The following PLEKHA2 variants were observed in gnomAD, a reference collection of about 807,000 sequenced individuals.
The protein encoded by PLEKHA2 is pleckstrin homology domain containing A2.
In PLEKHA2, 28 loss-of-function variants were observed where a neutral mutation model predicts 53.2. The observed-to-expected ratio is 0.53, with a 90% CI of 0.39 to 0.72. The LOEUF is 0.72. Ranked by LOEUF, PLEKHA2 falls within the 30% of genes least tolerant of loss-of-function variation. The pLI, the probability that PLEKHA2 is intolerant of heterozygous loss-of-function variation, is 0.00. For missense variants in PLEKHA2, 426 were observed against 537.9 expected (o/e 0.79, Z 2.06); for synonymous variants, 193 against 196.4 (o/e 0.98, Z 0.14).
chr8:38,921,251 C>T (rs1834188450), intron 2 of PLEKHA2, among the ~76,000 whole-genome samples: 2 of 152,336 alleles, frequency 1.3e-5, no homozygotes, highest in South Asian at 4.1e-4. Flanking sequence ...TGTACTTCCT[C>T]CCACTCACCT....
At chr8:38,956,884 G>GC (rs1834950940) in intron 9 of PLEKHA2, among the ~76,000 whole-genome samples, 1 of 152,104 alleles carries the variant, frequency 6.6e-6, no homozygotes, top group Admixed American at 6.6e-5. Flanking sequence ...AGTCTTAAGT[G>GC]CCCCCCGGGG....
chr8:38,965,228 A>G (rs139334961), intron 10 of PLEKHA2, among the ~76,000 whole-genome samples: 112 of 152,298 alleles, frequency 7.4e-4, no homozygotes, highest in African/African-American at 2.5e-3. Flanking sequence ...CTTGCTAAGC[A>G]GAGGCTGGGT....
At chr8:38,917,822 C>A in intron 1 of PLEKHA2, 85 bp from the exon 2 acceptor site, 1 of 1,454,286 alleles carries the variant, frequency 6.9e-7, no homozygotes, top group East Asian at 2.4e-5. Context: ...AGAGTCTCAG[C>A]CCAGCTTCTG....
chr8:38,941,744 C>A (rs564463800), intron 3 of PLEKHA2, among the ~76,000 whole-genome samples: 6 of 152,254 alleles, frequency 3.9e-5, no homozygotes, highest in Non-Finnish European at 8.8e-5. Flanking sequence ...GTCTTACCTG[C>A]ACTATCATAT....
Position 38,950,921 on chromosome 8 carries a change from G to A in PLEKHA2, c.417G>A (p.Glu139=). The change falls in exon 6 of 12, where the codon GAG becomes GAA. Residue 139 remains glutamate (E), a synonymous_variant. Transcript: ENST00000617275. The part of the protein sequence containing the change: ...LKSLAAPPAL[E]KKPQVAYKTE... Reference sequence around the variant, plus strand: ...GCTTAGCAGCTCCTCCAGCCCTGGAGAAGAAGCCACAGGTGGCCTACAAGA... The same window carrying A: ...GCTTAGCAGCTCCTCCAGCCCTGGAAAAGAAGCCACAGGTGGCCTACAAGA... 4 of 1,614,026 alleles carry A rather than the reference G, an allele frequency of 2.5e-6. No individual in the cohort carries two copies. The highest frequency in any genetic ancestry group is 2.5e-6 in the Non-Finnish European group (3 of 1,179,894).
intron 5 of PLEKHA2, among the ~76,000 whole-genome samples, chr8:38,947,881 G>A (rs1834744976): frequency 1.3e-5 from 2 of 152,204 alleles, no homozygotes; most frequent in South Asian, 4.1e-4. Flanking sequence ...AAGGTCAGGA[G>A]TTCGAGACCA....
chr8:38,935,886 TGCTCAGTGTTGCCAGGAAAGTGGC>T (rs1834485278), intron 2 of PLEKHA2, 84 bp from the exon 3 acceptor site: 4 of 951,360 alleles, frequency 4.2e-6, no homozygotes, highest in Admixed American at 1.8e-5. Flanking sequence ...TTGAGTAACT[TGCTCAGTGTTGCCAGGAAAGTGGC>T]ATAAACAGAG....
chr8:38,914,463 G>A (rs1409802214), intron 1 of PLEKHA2, among the ~76,000 whole-genome samples: 1 of 152,208 alleles, frequency 6.6e-6, no homozygotes, highest in African/African-American at 2.4e-5. Flanking sequence ...GGGGCTGTTG[G>A]GTCTCTCTAG....
At chr8:38,903,380 T>C (rs747227868) in intron 1 of PLEKHA2, among the ~76,000 whole-genome samples, 2 of 152,228 alleles carry the variant, frequency 1.3e-5, no homozygotes, top group African/African-American at 4.8e-5. Flanking sequence ...TTTGCAACCC[T>C]TTCTTTTTCC....
At chr8:38,914,589 C>T (rs1277821857) in intron 1 of PLEKHA2, among the ~76,000 whole-genome samples, 1 of 152,270 alleles carries the variant, frequency 6.6e-6, no homozygotes, top group Non-Finnish European at 1.5e-5. Flanking sequence ...GAACTCCACT[C>T]TGTTGGAGCC....
At chr8:38,943,743 T>C in intron 3 of PLEKHA2, 46 bp from the exon 4 acceptor site, 1 of 1,417,382 alleles carries the variant, frequency 7.1e-7, no homozygotes, top group Non-Finnish European at 9.6e-7. Flanking sequence ...ATCTTCAACA[T>C]TGTAAGACAC....
At chr8:38,926,381 CTTT>C (rs545129514) in intron 2 of PLEKHA2, among the ~76,000 whole-genome samples, 6 of 137,220 alleles carry the variant, frequency 4.4e-5, no homozygotes, top group Admixed American at 7.4e-5. Flanking sequence ...TTAAAAAGTA[CTTT>C]TTTTTTTTTT....
intron 3 of PLEKHA2, among the ~76,000 whole-genome samples, chr8:38,941,469 T>A (rs879867725): frequency 2.0e-5 from 3 of 152,250 alleles, no homozygotes; most frequent in Admixed American, 1.3e-4. Context: ...GAGGTTGATA[T>A]AATGTTATGT....
chr8:38,920,338 T>G (rs564315503), intron 2 of PLEKHA2, among the ~76,000 whole-genome samples: 25 of 152,106 alleles, frequency 1.6e-4, no homozygotes, highest in Admixed American at 3.3e-4. Context: ...TTTTTTTTAG[T>G]AGAGACGGGG....
chr8:38,915,399 G>T (rs974685480), intron 1 of PLEKHA2, among the ~76,000 whole-genome samples: 4 of 152,250 alleles, frequency 2.6e-5, no homozygotes, highest in Admixed American at 6.5e-5. Flanking sequence ...CAAGGGCAGG[G>T]TGTTAACAGG....
intron 10 of PLEKHA2, among the ~76,000 whole-genome samples, chr8:38,964,851 C>CCTT (rs1835104832): frequency 9.7e-6 from 1 of 103,532 alleles, no homozygotes; most frequent in African/African-American, 3.6e-5. Flanking sequence ...TTGTTACTTC[C>CCTT]CTTTTTTTTT....
chr8:38,907,756 A>C (rs1833898727), intron 1 of PLEKHA2, among the ~76,000 whole-genome samples: 1 of 28,736 alleles, frequency 3.5e-5, no homozygotes, highest in Admixed American at 5.0e-4. Flanking sequence ...GTGAGACCAT[A>C]TCTCAAAAAA....
At chr8:38,913,696 T>C (rs1226146312) in intron 1 of PLEKHA2, among the ~76,000 whole-genome samples, 1 of 152,208 alleles carries the variant, frequency 6.6e-6, no homozygotes, top group African/African-American at 2.4e-5. Flanking sequence ...GTGGGACTCT[T>C]GTTCCTCCGT....
At chr8:38,924,702 A>G (rs1271388032) in intron 2 of PLEKHA2, among the ~76,000 whole-genome samples, 4 of 152,328 alleles carry the variant, frequency 2.6e-5, no homozygotes, top group Middle Eastern at 3.4e-3. Context: ...CCAAATGGCA[A>G]AAAGAGATGG....
Sources: gnomAD v4.1 joint callset for allele counts (sites outside exome capture counted in the v4.1 genomes callset) on GRCh38, gnomAD v4.1.1 for gene constraint, MANE v1.5 for transcripts, NCBI Gene and HGNC (gene_info 2026-07-23, HGNC 2026-07-21) for gene names.